The following SH3BP2 variants were observed in gnomAD, a reference collection of about 807,000 sequenced individuals.
SH3BP2 encodes the protein SH3 domain binding protein 2.
SH3BP2 carries 38 observed loss-of-function variants against 56.2 expected under a neutral mutation model. That is an observed-to-expected ratio of 0.68 (90% confidence interval 0.52 to 0.89). The LOEUF (loss-of-function observed/expected upper bound fraction) is 0.89, where lower values mean the gene tolerates loss of function less well. SH3BP2 is among the 40% of genes least tolerant of loss of function. SH3BP2 has a pLI of 0.00. For synonymous variants in SH3BP2, 346 were observed against 316.7 expected (o/e 1.09, Z -0.98); for missense variants, 748 against 762.6 (o/e 0.98, Z 0.23).
chr4:2,825,339 C>T (rs527742952), intron 5 of SH3BP2, 143 bp downstream of exon 5: 3 of 719,982 alleles, frequency 4.2e-6, no homozygotes, highest in African/African-American at 1.8e-5. Context: ...GGCTGCGTCT[C>T]TCTGCTCCTG....
rs576803867 is a variant in SH3BP2 at position 2,832,910 on chromosome 4, C to G, written c.1489-80C>G. On this transcript the variant is annotated intron_variant, in intron 11 of 12. Transcript: ENST00000503393. Reference sequence around the variant, plus strand: ...GACCCAGCCTTGATGGTTCTGCCCCCCTATCCCCAGCCCATGGTCTCCCGA... The same window carrying G: ...GACCCAGCCTTGATGGTTCTGCCCCGCTATCCCCAGCCCATGGTCTCCCGA... 8.1e-4 allele frequency: 1,159 copies of G among 1,429,476 alleles called. 6 individuals are homozygous for G. The African/African-American group carries it at 0.011, about 14-fold the overall frequency. The allele number at this position is 1,429,476 out of a possible 1,614,324, so 88.5% of individuals were successfully genotyped here.
Position 2,810,917 on chromosome 4 carries a change from C to T in SH3BP2, c.-4-9697C>T, listed in dbSNP as rs191253323. 2.0e-5 allele frequency among the ~76,000 whole-genome samples: 3 copies of T among 152,348 alleles called. No individual in the cohort carries two copies. The highest frequency in any genetic ancestry group is 3.9e-4 in the East Asian group (2 of 5,176). ...GGCCCCACTCTGTCCGTGCCCTCCT[C>T]GCTGCCCTCTGTCTGTCTGCCTGCT... On this transcript the variant is annotated intron_variant, in intron 1 of 12. Coordinates refer to ENST00000503393, the MANE Select transcript of SH3BP2 (RefSeq NM_001122681.2). This position sits in a 1 kb window ranked among gnomAD's most constrained non-coding sequence, Gnocchi z 4.2.
chr4:2,831,525 T>C lies in SH3BP2; in HGVS notation c.1242-46T>C. On this transcript the variant is annotated intron_variant, in intron 8 of 12. Coordinates refer to ENST00000503393, the MANE Select transcript of SH3BP2 (RefSeq NM_001122681.2). This position sits in a 1 kb window ranked among gnomAD's most constrained non-coding sequence, Gnocchi z 4.1. ...AGGGGAGCAGAGGGTGGCCGCCCCG[T>C]GTCTGACAGTGAAATGGTCCTGCCT... 6.9e-7 allele frequency: 1 copy of C among 1,452,784 alleles called. No individual in the cohort carries two copies. Among genetic ancestry groups the C allele is most frequent in the Non-Finnish European group, 9.5e-7 (1 of 1,057,040 alleles). 90.0% of individuals were successfully genotyped at this position (1,452,784 alleles called of 1,614,324 possible). A position where few individuals can be genotyped will look rare whatever the true frequency, so the allele number is the denominator to read the frequency against.
At chr4:2,824,799 T>A in intron 4 of SH3BP2, 69 bp downstream of exon 4, 1 of 1,214,892 alleles carries the variant, frequency 8.2e-7, no homozygotes. Flanking sequence ...AGGCTGGACC[T>A]GCCTTGGGGG....
rs1725117129 is a variant in SH3BP2 at position 2,833,576 on chromosome 4, G to A, written c.1549-121G>A. The A allele has an allele frequency of 8.1e-6, 11 of 1,353,812 alleles. No individual in the cohort carries two copies. The South Asian group carries it at 1.4e-4, about 17-fold the overall frequency. The allele number at this position is 1,353,812 out of a possible 1,614,324, so 83.9% of individuals were successfully genotyped here. A position where few individuals can be genotyped will look rare whatever the true frequency, so the allele number is the denominator to read the frequency against. ...ACCTTGGGGGCACCACCGACAGCCA[G>A]GGGCCAGCCTGGTGATGCCGCTGTT... On this transcript the variant is annotated intron_variant, in intron 12 of 12. Coordinates refer to ENST00000503393, the MANE Select transcript of SH3BP2 (RefSeq NM_001122681.2).
chr4:2,811,995 G>T (rs1723767357), intron 1 of SH3BP2: 1 of 337,088 alleles, frequency 3.0e-6, no homozygotes, highest in Non-Finnish European at 5.5e-6. Context: ...CTAGGGAGAA[G>T]CCGAGTATTC....
chr4:2,807,968 G>A (rs955447697), intron 1 of SH3BP2, among the ~76,000 whole-genome samples: 3 of 152,174 alleles, frequency 2.0e-5, no homozygotes, highest in Non-Finnish European at 4.4e-5. Flanking sequence ...TCCCTGACAG[G>A]CACGCCCACA....
intron 1 of SH3BP2, chr4:2,818,354 C>A (rs1238553956): frequency 1.7e-6 from 2 of 1,177,442 alleles, no homozygotes; most frequent in African/African-American, 3.2e-5. Context: ...GCGTGGATCG[C>A]CCCGGGGAAG....
In SH3BP2 at chr4:2,838,638, G is replaced by A. The variant is rs1405387392; in HGVS notation, c.*4804G>A. 1.8e-5 allele frequency: 2 copies of A among 111,772 alleles called. No homozygotes were observed. Among genetic ancestry groups the A allele is most frequent in the Non-Finnish European group, 3.9e-5 (2 of 51,766 alleles). 6.9% of individuals were successfully genotyped at this position (111,772 alleles called of 1,614,324 possible). ...TAAAACATTATAAAGATTTTTGTTT[G>A]CGATTTTTTTTTTTAGCTCATCAGC... On this transcript the variant is annotated 3_prime_UTR_variant, in exon 13 of 13. Transcript: ENST00000503393.
At position 2,831,796 on chromosome 4, in the gene SH3BP2, C is replaced by T. The variant is rs146885241; in HGVS notation, c.1350+117C>T. ...CCTGAGCAAGGACCCCCCGAGAACCCGGGAGCCTAGGGGGACACAGCACCA... is the reference window on the plus strand; with the variant it reads ...CCTGAGCAAGGACCCCCCGAGAACCTGGGAGCCTAGGGGGACACAGCACCA... On this transcript the variant is annotated intron_variant, in intron 9 of 12. Coordinates refer to ENST00000503393, the MANE Select transcript of SH3BP2 (RefSeq NM_001122681.2). This position sits in a 1 kb window ranked among gnomAD's most constrained non-coding sequence, Gnocchi z 4.1. 0.021 allele frequency: 29,130 copies of T among 1,367,046 alleles called. 406 individuals are homozygous for T. Among genetic ancestry groups the T allele is most frequent in the Non-Finnish European group, 0.026 (25,715 of 977,224 alleles). The allele number at this position is 1,367,046 out of a possible 1,614,324, so 84.7% of individuals were successfully genotyped here.
intron 1 of SH3BP2, among the ~76,000 whole-genome samples, chr4:2,816,708 C>T (rs1391910965): frequency 1.3e-5 from 2 of 152,112 alleles, no homozygotes; most frequent in African/African-American, 4.8e-5. Context: ...ATGTGGTTGT[C>T]CTTTATTCTA....
intron 1 of SH3BP2, among the ~76,000 whole-genome samples, chr4:2,801,691 G>A (rs1454694358): frequency 6.6e-6 from 1 of 152,150 alleles, no homozygotes; most frequent in African/African-American, 2.4e-5. Flanking sequence ...AACCTCCTGA[G>A]GCCAACCTAA....
chr4:2,826,797 C>T (rs1724674611), intron 5 of SH3BP2: 2 of 397,258 alleles, frequency 5.0e-6, no homozygotes, highest in Admixed American at 2.7e-5. Context: ...TGTGTGTGAA[C>T]ATGTGTGCTT....
chr4:2,826,780 G>A (rs565427811), intron 5 of SH3BP2: 35 of 382,162 alleles, frequency 9.2e-5, no homozygotes, highest in Admixed American at 4.5e-4. Context: ...TCCGTGTGTC[G>A]CTCGTCTGTG....
At position 2,823,005 on chromosome 4, in the gene SH3BP2, G is replaced by A. The variant is rs1017260878; in HGVS notation, c.207G>A (p.Pro69=). The A allele has an allele frequency of 7.4e-6, 12 of 1,613,840 alleles. No homozygotes were observed. In the Admixed American group the frequency reaches 1.2e-4, roughly 16 times the overall value. ...TCAAGAGTAGCACCTCTGCCTCCCCGCAGGGCGCCTTCTCCCTGAGTGGCT... is the reference window on the plus strand; with the variant it reads ...TCAAGAGTAGCACCTCTGCCTCCCCACAGGGCGCCTTCTCCCTGAGTGGCT... ...YYFKSSTSAS[P]QGAFSLSGYN... is the part of the protein sequence containing the mutation. The change falls in exon 3 of 13, where the codon CCG becomes CCA. Residue 69 remains proline (P), a synonymous_variant. Transcript: ENST00000503393.
intron 1 of SH3BP2, among the ~76,000 whole-genome samples, chr4:2,820,124 C>A (rs776192423): frequency 1.1e-4 from 17 of 152,208 alleles, no homozygotes; most frequent in Non-Finnish European, 1.6e-4. Flanking sequence ...CAGAAAGTCA[C>A]ACCAGGATGG....
intron 5 of SH3BP2, among the ~76,000 whole-genome samples, chr4:2,825,812 G>A (rs781194496): frequency 8.5e-5 from 13 of 152,264 alleles, no homozygotes; most frequent in Non-Finnish European, 1.3e-4. Flanking sequence ...CACTCAGAGT[G>A]AGACCAGAAT....
intron 1 of SH3BP2, among the ~76,000 whole-genome samples, chr4:2,794,824 G>A (rs1253846151): frequency 6.6e-6 from 1 of 152,176 alleles, no homozygotes; most frequent in Non-Finnish European, 1.5e-5. Flanking sequence ...GAGTCAGCTG[G>A]AGCTCCCCAC....
chr4:2,802,552 A>ATG (rs1458373284), intron 1 of SH3BP2, among the ~76,000 whole-genome samples: 28 of 141,204 alleles, frequency 2.0e-4, no homozygotes, highest in Admixed American at 5.1e-4. Flanking sequence ...GTGTATATAT[A>ATG]TGTGTATATA....
Sources: allele counts gnomAD v4.1 joint callset (sites outside exome capture counted in the v4.1 genomes callset), GRCh38; gene constraint gnomAD v4.1.1; non-coding constraint Gnocchi (gnomAD v3.1); transcripts MANE v1.5; gene names NCBI Gene and HGNC (gene_info 2026-07-23, HGNC 2026-07-21).